The following SNX24 variants were observed in gnomAD, a reference collection of about 807,000 sequenced individuals.
SNX24 encodes the protein sorting nexin 24, also known as sorting nexin-24.
In SNX24, 22 loss-of-function variants were observed where a neutral mutation model predicts 28.7. The ratio of observed to expected loss-of-function variants is 0.77; its 90% CI spans 0.55 to 1.10. The LOEUF (loss-of-function observed/expected upper bound fraction) is 1.10. Among genes scored for constraint, SNX24 ranks in the 50% least tolerant of loss-of-function variants. The pLI, the probability that SNX24 is intolerant of heterozygous loss-of-function variation, is 0.00. For missense variants in SNX24, 221 were observed against 201.1 expected, an observed-to-expected ratio of 1.10 and a Z score of -0.60; for synonymous variants, 69 against 71.5, an observed-to-expected ratio of 0.96 and a Z score of 0.18.
chr5:122,955,162 C>A (rs1234126975), intron 3 of SNX24, among the ~76,000 whole-genome samples: 1 of 151,960 alleles, frequency 6.6e-6, no homozygotes, highest in Non-Finnish European at 1.5e-5. Context: ...CACTGTTGAA[C>A]CCTTAACTTA....
intron 3 of SNX24, among the ~76,000 whole-genome samples, chr5:122,973,203 T>C (rs1436523937): frequency 6.6e-6 from 1 of 152,228 alleles, no homozygotes; most frequent in Non-Finnish European, 1.5e-5. Context: ...TCACCAATTT[T>C]CCAATCATGC....
At chr5:122,882,667 A>G (rs371712390) in intron 1 of SNX24, among the ~76,000 whole-genome samples, 3 of 152,226 alleles carry the variant, frequency 2.0e-5, no homozygotes, top group East Asian at 1.9e-4. Flanking sequence ...GGGAAAAAAT[A>G]TAGAGATAAA....
chr5:122,882,290 T>A (rs1054344825), intron 1 of SNX24, among the ~76,000 whole-genome samples: 3 of 152,224 alleles, frequency 2.0e-5, no homozygotes, highest in African/African-American at 7.2e-5. Flanking sequence ...CAACTGTGGC[T>A]GAATTTAGCA....
At chr5:123,028,465 C>T in intron 5 of SNX24, 1 of 244,816 alleles carries the variant, frequency 4.1e-6, no homozygotes, top group Admixed American at 5.5e-5. Context: ...CCTTTTCCTT[C>T]CTATGAAAGA....
chr5:122,914,217 G>T (rs894532664), intron 1 of SNX24, among the ~76,000 whole-genome samples: 12 of 152,174 alleles, frequency 7.9e-5, no homozygotes, highest in African/African-American at 2.9e-4. Context: ...TGCATATATT[G>T]AACCAGCCTT....
At chr5:122,956,715 A>G (rs1332124451) in intron 3 of SNX24, among the ~76,000 whole-genome samples, 2 of 152,018 alleles carry the variant, frequency 1.3e-5, no homozygotes, top group East Asian at 3.9e-4. Flanking sequence ...TGGGTTTTTT[A>G]TATTAGTCGT....
intron 3 of SNX24, among the ~76,000 whole-genome samples, chr5:122,989,110 G>A (rs999264745): frequency 6.6e-6 from 1 of 151,996 alleles, no homozygotes; most frequent in Admixed American, 6.6e-5. Context: ...CCAAAAACAG[G>A]ACTTTACAAT....
chr5:122,927,661 G>A (rs1423963804), intron 1 of SNX24, among the ~76,000 whole-genome samples: 2 of 152,138 alleles, frequency 1.3e-5, no homozygotes, highest in Non-Finnish European at 2.9e-5. Flanking sequence ...TTAAAGTGAA[G>A]CAAAATCTTC....
chr5:122,971,740 A>G (rs1362840771), intron 3 of SNX24, among the ~76,000 whole-genome samples: 1 of 152,186 alleles, frequency 6.6e-6, no homozygotes, highest in Non-Finnish European at 1.5e-5. Context: ...TGTTAAAAAT[A>G]AGGAGGAAAT....
At chr5:123,015,379 A>C (rs903242545) in intron 5 of SNX24, among the ~76,000 whole-genome samples, 2 of 152,242 alleles carry the variant, frequency 1.3e-5, no homozygotes, top group African/African-American at 4.8e-5. Flanking sequence ...TTCTGAAAAC[A>C]GTGACTGTGT....
rs542394702 is a variant in SNX24, at chr5:122,907,377, A to T, written c.61-29357A>T. ...TGAAGGTAGTGTGGGAATTTGTAAT[A>T]TGGGGGAACACTCCCTCCTCAAGGG... On this transcript the variant is annotated intron_variant, in intron 1 of 6. Coordinates refer to ENST00000261369, the MANE Select transcript of SNX24 (RefSeq NM_014035.4). Among the ~76,000 whole-genome samples, 10 of 152,268 alleles carry T rather than the reference A, an allele frequency of 6.6e-5. No homozygotes were observed. The South Asian group carries it at 2.1e-3, about 32-fold the overall frequency.
intron 1 of SNX24, among the ~76,000 whole-genome samples, chr5:122,868,112 G>A (rs1755799890): frequency 1.3e-5 from 2 of 152,198 alleles, no homozygotes; most frequent in Non-Finnish European, 2.9e-5. Context: ...CTGTCAGAAT[G>A]ATCATAGGGA....
At chr5:122,889,626 CAT>C (rs10571884) in intron 1 of SNX24, among the ~76,000 whole-genome samples, 110,325 of 144,760 alleles carry the variant, frequency 0.76, 42,685 homozygotes, top group East Asian at 0.97. Flanking sequence ...TATATATACA[CAT>C]ATATATATAT....
At chr5:123,027,386 A>G (rs1762875229) in intron 5 of SNX24, among the ~76,000 whole-genome samples, 1 of 152,168 alleles carries the variant, frequency 6.6e-6, no homozygotes, top group South Asian at 2.1e-4. Flanking sequence ...CAGGGAAGGT[A>G]GTGAGAAAAA....
chr5:122,929,774 C>G (rs1009539204), intron 1 of SNX24, among the ~76,000 whole-genome samples: 2 of 150,512 alleles, frequency 1.3e-5, no homozygotes, highest in Admixed American at 1.3e-4. Context: ...GGCTTTTATT[C>G]TAATTTGAAC....
intron 3 of SNX24, among the ~76,000 whole-genome samples, chr5:122,989,459 C>T (rs1761738466): frequency 6.7e-6 from 1 of 149,802 alleles, no homozygotes. Flanking sequence ...TTTGACTTTT[C>T]CCATCCAGTC....
At chr5:122,865,634 C>G (rs1009684028) in intron 1 of SNX24, among the ~76,000 whole-genome samples, 2 of 152,178 alleles carry the variant, frequency 1.3e-5, no homozygotes, top group African/African-American at 4.8e-5. Context: ...CCACCGTGCC[C>G]AGCCACTTGC....
chr5:122,889,677 GTATATA>G (rs772602796), intron 1 of SNX24, among the ~76,000 whole-genome samples: 1 of 141,572 alleles, frequency 7.1e-6, no homozygotes, highest in Non-Finnish European at 1.5e-5. Context: ...ATATATATGT[GTATATA>G]TATGTATATG....
Position 122,951,141 on chromosome 5 carries a change from C to T in SNX24, c.249+4982C>T, listed in dbSNP as rs541103446. Among the ~76,000 whole-genome samples the T allele has an allele frequency of 3.3e-5, 5 of 151,688 alleles. No homozygotes were observed. The South Asian group carries it at 8.3e-4, about 25-fold the overall frequency. On this transcript the variant is annotated intron_variant, in intron 3 of 6. Transcript: ENST00000261369. ...AATTAGCCAGGCGTGGTGGCGGGCA[C>T]CTGTAGTCCCAGCTACTCAGGAGGC...
Sources: allele counts gnomAD v4.1 joint callset (sites outside exome capture counted in the v4.1 genomes callset), GRCh38; gene constraint gnomAD v4.1.1; transcripts MANE v1.5; gene names NCBI Gene and HGNC (gene_info 2026-07-23, HGNC 2026-07-21).